The following OPCML variants were observed in gnomAD, a reference collection of about 807,000 sequenced individuals.
The protein encoded by OPCML is opioid-binding protein/cell adhesion molecule.
Under a neutral mutation model 37.8 loss-of-function variants are expected in OPCML, and 13 were observed. The ratio of observed to expected loss-of-function variants is 0.34; its 90% CI spans 0.22 to 0.55. The LOEUF (loss-of-function observed/expected upper bound fraction) is 0.55. Ranked by LOEUF, OPCML falls within the 20% of genes least tolerant of loss-of-function variation. The pLI is 0.91. For synonymous variants in OPCML, 176 were observed against 168.8 expected (o/e 1.04, Z -0.33); for missense variants, 341 against 435.6 (o/e 0.78, Z 1.93).
chr11:132,720,182 A>AT (rs2135976892), intron 2 of OPCML, among the ~76,000 whole-genome samples: 1 of 152,326 alleles, frequency 6.6e-6, no homozygotes, highest in East Asian at 1.9e-4. Flanking sequence ...CTCTGCATGC[A>AT]TTGGTAAAGT....
chr11:133,288,513 T>C (rs765221876), intron 1 of OPCML, among the ~76,000 whole-genome samples: 2 of 151,986 alleles, frequency 1.3e-5, no homozygotes, highest in African/African-American at 2.4e-5. Context: ...CCTGGGGAAA[T>C]AGGAAATATG....
chr11:132,891,389 G>A (rs981882983), intron 2 of OPCML, among the ~76,000 whole-genome samples: 8 of 151,884 alleles, frequency 5.3e-5, no homozygotes, highest in South Asian at 2.1e-4. Context: ...CCAGGACTCC[G>A]TATTATTTTT....
At chr11:133,501,229 C>G (rs184473763) in intron 1 of OPCML, among the ~76,000 whole-genome samples, 10 of 152,172 alleles carry the variant, frequency 6.6e-5, no homozygotes. Flanking sequence ...CCACAGGCAA[C>G]GCAAACTGTG....
At chr11:133,000,227 C>T (rs546101405) in intron 1 of OPCML, among the ~76,000 whole-genome samples, 1 of 152,210 alleles carries the variant, frequency 6.6e-6, no homozygotes, top group African/African-American at 2.4e-5. Flanking sequence ...CTTCTCCTGC[C>T]TCAGCCTCCC....
Position 132,473,841 on chromosome 11 carries a change from T to A in OPCML, c.506-36482A>T, listed in dbSNP as rs569146993. Among the ~76,000 whole-genome samples the A allele has an allele frequency of 8.2e-4, 125 of 151,994 alleles. 1 individual carries two copies. The highest frequency in any genetic ancestry group is 1.6e-3 in the Admixed American group (24 of 15,280). On this transcript the variant is annotated intron_variant, in intron 4 of 7. Coordinates refer to ENST00000524381, the MANE Select transcript of OPCML (RefSeq NM_001012393.5). Reference sequence around the variant, plus strand: ...ACTCTGTCACACAAAAAAATCATAATCCATAACTACGTAAAGGAATGGCTT... The same window carrying A: ...ACTCTGTCACACAAAAAAATCATAAACCATAACTACGTAAAGGAATGGCTT...
chr11:133,112,285 C>CAAA (rs370146450), intron 1 of OPCML, among the ~76,000 whole-genome samples: 927 of 48,926 alleles, frequency 0.019, 18 homozygotes, highest in African/African-American at 0.053. Flanking sequence ...GACTCTTGGC[C>CAAA]AAAAAAAAAA....
chr11:132,698,217 C>G (rs1943671656), intron 2 of OPCML, among the ~76,000 whole-genome samples: 1 of 151,976 alleles, frequency 6.6e-6, no homozygotes, highest in African/African-American at 2.4e-5. Flanking sequence ...TGAGGAACTT[C>G]CATACTGTTT....
chr11:132,796,540 TTA>T (rs1938318323), intron 2 of OPCML, among the ~76,000 whole-genome samples: 1 of 149,290 alleles, frequency 6.7e-6, no homozygotes, highest in East Asian at 2.0e-4. Context: ...TCACTAACAC[TTA>T]TTATTATCCA....
intron 1 of OPCML, chr11:133,024,322 G>T (rs1229218380): frequency 3.0e-6 from 3 of 983,738 alleles, no homozygotes; most frequent in Admixed American, 6.2e-5. Flanking sequence ...AGCATGCTCT[G>T]GGAAGGAAGT....
intron 2 of OPCML, among the ~76,000 whole-genome samples, chr11:132,927,576 A>G (rs567137462): frequency 6.6e-6 from 1 of 152,284 alleles, no homozygotes; most frequent in Admixed American, 6.5e-5. Flanking sequence ...GAAATATGAA[A>G]GAGAGTCCTT....
intron 2 of OPCML, among the ~76,000 whole-genome samples, chr11:132,836,600 T>C (rs1417478724): frequency 6.6e-6 from 1 of 152,222 alleles, no homozygotes; most frequent in Non-Finnish European, 1.5e-5. Flanking sequence ...TTACGAATAT[T>C]ACACTAGCAT....
intron 1 of OPCML, among the ~76,000 whole-genome samples, chr11:133,337,802 A>C (rs943628396): frequency 2.0e-5 from 3 of 152,210 alleles, no homozygotes; most frequent in African/African-American, 7.2e-5. Context: ...AGAATTTTGC[A>C]AACGTTGAGC....
chr11:133,289,594 C>CAAAA lies in OPCML; in HGVS notation c.61+242666_61+242669dup, dbSNP rs1229577687. ...TGGGCGACAGAGCGAGACTCCATCT[C>CAAAA]AAAAAAAAAAAAAAAAAAAAAAAAT... is the stretch of plus-strand genomic sequence containing the variant. On this transcript the variant is annotated intron_variant, in intron 1 of 7. Transcript: ENST00000524381. 8.2e-3 allele frequency among the ~76,000 whole-genome samples: 429 copies of CAAAA among 52,270 alleles called. 13 individuals carry two copies. The highest frequency in any genetic ancestry group is 0.031 in the African/African-American group (408 of 13,364). The allele number at this position is 52,270 out of a possible 152,430, so 34.3% of individuals were successfully genotyped here.
At chr11:132,687,828 G>T (rs1943231134) in intron 2 of OPCML, among the ~76,000 whole-genome samples, 1 of 152,164 alleles carries the variant, frequency 6.6e-6, no homozygotes, top group South Asian at 2.1e-4. Context: ...TTCTGCAACT[G>T]CTTCCATACT....
chr11:133,257,799 T>C (rs1022218238), intron 1 of OPCML, among the ~76,000 whole-genome samples: 1 of 152,118 alleles, frequency 6.6e-6, no homozygotes, highest in East Asian at 1.9e-4. Flanking sequence ...ATCTAGTCTA[T>C]GCCAGATGCC....
chr11:132,951,604 C>T (rs776529114), intron 1 of OPCML, among the ~76,000 whole-genome samples: 11 of 152,192 alleles, frequency 7.2e-5, no homozygotes, highest in Non-Finnish European at 1.3e-4. Flanking sequence ...TAATTGGCAT[C>T]ATGCCTGGCA....
In OPCML at chr11:133,125,300, G is replaced by A. The variant is rs564436378; in HGVS notation, c.62-182290C>T. On this transcript the variant is annotated intron_variant, in intron 1 of 7. Coordinates refer to ENST00000524381, the MANE Select transcript of OPCML (RefSeq NM_001012393.5). ...TTAATTAATCAAAGCCATTCCCAGT[G>A]TCTATGTTTGAGCTTTACCTACCAG... 4.6e-5 allele frequency among the ~76,000 whole-genome samples: 7 copies of A among 152,114 alleles called. No homozygotes were observed. The South Asian group carries it at 1.5e-3, about 32-fold the overall frequency.
At chr11:133,000,302 G>C (rs189957543) in intron 1 of OPCML, among the ~76,000 whole-genome samples, 1 of 151,992 alleles carries the variant, frequency 6.6e-6, no homozygotes, top group Admixed American at 6.6e-5. Context: ...TAATAGAGAC[G>C]GGGTTTTTCC....
intron 2 of OPCML, among the ~76,000 whole-genome samples, chr11:132,764,080 G>A (rs1406891142): frequency 2.0e-5 from 3 of 152,250 alleles, no homozygotes; most frequent in Non-Finnish European, 4.4e-5. Context: ...CTGCTGGGTA[G>A]CTGATCAGCA....
Sources: gnomAD v4.1 joint callset for allele counts (sites outside exome capture counted in the v4.1 genomes callset) on GRCh38, gnomAD v4.1.1 for gene constraint, MANE v1.5 for transcripts, NCBI Gene and HGNC (gene_info 2026-07-23, HGNC 2026-07-21) for gene names.